Variants in PLXNA4 observed in about 807,000 individuals in gnomAD.
PLXNA4 encodes plexin A4.
In PLXNA4, 44 loss-of-function variants were observed where a neutral mutation model predicts 191.8. The ratio of observed to expected loss-of-function variants is 0.23; its 90% CI spans 0.18 to 0.29. The LOEUF (loss-of-function observed/expected upper bound fraction) is 0.29. Among genes scored for constraint, PLXNA4 ranks in the 10% least tolerant of loss-of-function variants. The pLI is 1.00. For synonymous variants in PLXNA4, 1,082 were observed against 1,009.5 expected (o/e 1.07, Z -1.36); for missense variants, 1,800 against 2,488.8 (o/e 0.72, Z 5.89).
intron 3 of PLXNA4, among the ~76,000 whole-genome samples, chr7:132,455,585 C>A (rs551221323): frequency 6.6e-6 from 1 of 152,186 alleles, no homozygotes; most frequent in Non-Finnish European, 1.5e-5. Flanking sequence ...TGGGAGCCCG[C>A]GCAGTATGTT....
rs546120721 is a variant in PLXNA4 at position 132,141,281 on chromosome 7, G to A, written c.5226-470C>T. 1.7e-4 allele frequency among the ~76,000 whole-genome samples: 26 copies of A among 152,314 alleles called. No homozygotes were observed. The East Asian group carries it at 2.3e-3, about 14-fold the overall frequency. ...CCATCTACTGTATGACTTGGCAGAA[G>A]TCACACCCTTCCTCCCTGCCTGGGC... On this transcript the variant is annotated intron_variant, in intron 29 of 31. Transcript: ENST00000321063.
intron 4 of PLXNA4, among the ~76,000 whole-genome samples, chr7:132,253,855 G>T (rs1009021990): frequency 6.6e-6 from 1 of 152,170 alleles, no homozygotes; most frequent in Non-Finnish European, 1.5e-5. Flanking sequence ...AAGGACCAGG[G>T]CACCTCTGCC....
chr7:132,370,032 C>G (rs1047186113), intron 3 of PLXNA4, among the ~76,000 whole-genome samples: 16 of 148,098 alleles, frequency 1.1e-4, no homozygotes, highest in Non-Finnish European at 1.6e-4. Context: ...CGCACCACTG[C>G]ACTCCAGCCT....
chr7:132,161,166 G>C (rs35948468), intron 24 of PLXNA4, among the ~76,000 whole-genome samples: 1 of 152,220 alleles, frequency 6.6e-6, no homozygotes. Flanking sequence ...GGGCAGCTCA[G>C]CCTTCCCAAG....
chr7:132,285,119 G>A (rs189282825), intron 4 of PLXNA4, among the ~76,000 whole-genome samples: 1 of 152,316 alleles, frequency 6.6e-6, no homozygotes, highest in Admixed American at 6.5e-5. Context: ...GTCATTATGT[G>A]CCAGGCAATG....
rs138253335 is a variant in PLXNA4 at position 132,288,642 on chromosome 7, G to A, written c.1503+9449C>T. ...CAAACATCCACGTGGGCTTGTCACC[G>A]TGTCAGCCATCCAAACACTAACTGG... On this transcript the variant is annotated intron_variant, in intron 4 of 31. Transcript: ENST00000321063. 1.0e-3 allele frequency among the ~76,000 whole-genome samples: 152 copies of A among 152,274 alleles called. 1 individual carries two copies. Among genetic ancestry groups the A allele is most frequent in the African/African-American group, 3.5e-3 (146 of 41,566 alleles).
intron 3 of PLXNA4, among the ~76,000 whole-genome samples, chr7:132,452,004 C>G (rs1371632249): frequency 4.6e-5 from 7 of 152,314 alleles, no homozygotes; most frequent in African/African-American, 1.4e-4. Context: ...CACTCCCTGC[C>G]CACTTCCTTC....
intron 2 of PLXNA4, among the ~76,000 whole-genome samples, chr7:132,500,679 C>A (rs1031841836): frequency 2.0e-5 from 3 of 152,086 alleles, no homozygotes; most frequent in Non-Finnish European, 4.4e-5. Context: ...GTTATTATAA[C>A]TAAAGGAGGA....
chr7:132,132,800 A>G (rs991436287), intron 31 of PLXNA4, among the ~76,000 whole-genome samples: 4 of 152,334 alleles, frequency 2.6e-5, no homozygotes, highest in African/African-American at 9.6e-5. Flanking sequence ...TAAGAATTAA[A>G]AAAGACAATA....
At chr7:132,625,916 G>T (rs1803361474) in intron 2 of PLXNA4, among the ~76,000 whole-genome samples, 1 of 152,312 alleles carries the variant, frequency 6.6e-6, no homozygotes, top group South Asian at 2.1e-4. Flanking sequence ...TTCAGGGTTT[G>T]ATTGTGGAAT....
intron 9 of PLXNA4, among the ~76,000 whole-genome samples, chr7:132,212,007 G>A (rs1303532040): frequency 6.6e-6 from 1 of 152,172 alleles, no homozygotes; most frequent in African/African-American, 2.4e-5. Context: ...GCTGTGTGGA[G>A]GAGAGTCAGT....
At chr7:132,187,941 C>A (rs995354902) in intron 14 of PLXNA4, among the ~76,000 whole-genome samples, 1 of 151,944 alleles carries the variant, frequency 6.6e-6, no homozygotes, top group Non-Finnish European at 1.5e-5. Flanking sequence ...CCAATCAATT[C>A]TTTAAAGTAG....
At chr7:132,534,333 T>C (rs1478209192) in intron 1 of PLXNA4, among the ~76,000 whole-genome samples, 2 of 152,044 alleles carry the variant, frequency 1.3e-5, no homozygotes, top group Non-Finnish European at 2.9e-5. Context: ...ACTAACTACT[T>C]CCACCATTAG....
chr7:132,463,139 T>C (rs1796578487), intron 3 of PLXNA4, among the ~76,000 whole-genome samples: 1 of 152,210 alleles, frequency 6.6e-6, no homozygotes, highest in South Asian at 2.1e-4. Context: ...GCGTGAGCCA[T>C]CGCGCCCAGC....
intron 2 of PLXNA4, among the ~76,000 whole-genome samples, chr7:132,498,939 A>G (rs1012142200): frequency 2.6e-5 from 4 of 152,198 alleles, no homozygotes; most frequent in African/African-American, 9.7e-5. Context: ...TGAAGTTTCT[A>G]TGTGTGTTTT....
intron 10 of PLXNA4, among the ~76,000 whole-genome samples, chr7:132,209,571 C>A (rs983593323): frequency 1.3e-5 from 2 of 152,120 alleles, no homozygotes; most frequent in African/African-American, 4.8e-5. Flanking sequence ...ACACAGGATG[C>A]CATGGGGACA....
rs998412099 is a variant in PLXNA4 at position 132,576,218 on chromosome 7, C to CGCGG, written c.-87+200_-87+203dup. Among the ~76,000 whole-genome samples the CGCGG allele has an allele frequency of 6.6e-6, 1 of 152,230 alleles. No homozygotes were observed. The highest frequency in any genetic ancestry group is 2.4e-5 in the African/African-American group (1 of 41,470). Reference sequence around the variant, plus strand: ...ATCCCTGCTCCGGCCGCTGCACCTCCGCGGGCGTCCAGGTGGGACGTGGGC... The same window carrying CGCGG: ...ATCCCTGCTCCGGCCGCTGCACCTCCGCGGGCGGGCGTCCAGGTGGGACGTGGGC... On this transcript the variant is annotated intron_variant, in intron 1 of 31. Coordinates refer to ENST00000321063, the MANE Select transcript of PLXNA4 (RefSeq NM_020911.2). The surrounding 1 kb of genome is among the most constrained non-coding windows in gnomAD (Gnocchi z 5.8).
chr7:132,169,066 G>A (rs972447547), intron 21 of PLXNA4, among the ~76,000 whole-genome samples: 20 of 152,164 alleles, frequency 1.3e-4, no homozygotes, highest in African/African-American at 4.8e-4. Flanking sequence ...GGACATCTGG[G>A]TTCCACGTGG....
Position 132,130,386 on chromosome 7 carries a change from G to A in PLXNA4, c.*93C>T. The A allele has an allele frequency of 2.5e-6, 4 of 1,569,642 alleles. No individual in the cohort carries two copies. ...GCGCTGCTCAGGGGATGCTGCTGAT[G>A]CCAGTCGGAACTTGCACTTGGTAAA... On this transcript the variant is annotated 3_prime_UTR_variant, in exon 32 of 32. Transcript: ENST00000321063.
Sources: allele counts gnomAD v4.1 joint callset (sites outside exome capture counted in the v4.1 genomes callset), GRCh38; gene constraint gnomAD v4.1.1; non-coding constraint Gnocchi (gnomAD v3.1); transcripts MANE v1.5; gene names NCBI Gene and HGNC (gene_info 2026-07-23, HGNC 2026-07-21).